Variants in DCC observed in about 807,000 individuals in gnomAD.
DCC encodes the protein DCC netrin 1 receptor.
Under a neutral mutation model 172.5 loss-of-function variants are expected in DCC, and 58 were observed. The observed-to-expected ratio is 0.34, with a 90% CI of 0.27 to 0.42. DCC has a LOEUF of 0.42. Among genes scored for constraint, DCC ranks in the 10% least tolerant of loss-of-function variants. DCC has a pLI of 1.00. For missense variants in DCC, 1,740 were observed against 1,791.0 expected (o/e 0.97, Z 0.51); for synonymous variants, 709 against 644.5 (o/e 1.10, Z -1.52).
At chr18:53,065,339 T>C (rs1348287532) in intron 6 of DCC, among the ~76,000 whole-genome samples, 1 of 152,202 alleles carries the variant, frequency 6.6e-6, no homozygotes, top group Non-Finnish European at 1.5e-5. Flanking sequence ...ATTAGTATAA[T>C]TAAATGCTAT....
chr18:53,447,731 A>G (rs925861415), intron 22 of DCC, among the ~76,000 whole-genome samples: 2 of 152,208 alleles, frequency 1.3e-5, no homozygotes, highest in African/African-American at 4.8e-5. Context: ...AGGTTAATTT[A>G]TTCCAATCTA....
At chr18:53,164,531 C>T (rs1238356617) in intron 8 of DCC, among the ~76,000 whole-genome samples, 1 of 152,144 alleles carries the variant, frequency 6.6e-6, no homozygotes, top group South Asian at 2.1e-4. Context: ...TGGAATTGAA[C>T]CACCTGGGTT....
chr18:53,362,447 CTGT>C (rs2057958190), intron 15 of DCC, among the ~76,000 whole-genome samples: 1 of 152,096 alleles, frequency 6.6e-6, no homozygotes, highest in African/African-American at 2.4e-5. Flanking sequence ...AGTGATTTTT[CTGT>C]TGTTGGTCAA....
chr18:52,749,234 T>C (rs1358502307), intron 1 of DCC, among the ~76,000 whole-genome samples: 2 of 151,570 alleles, frequency 1.3e-5, no homozygotes, highest in Non-Finnish European at 2.9e-5. Flanking sequence ...AAAGAACCAA[T>C]CAGGAAAGAA....
chr18:53,487,242 G>C (rs1167191374), intron 26 of DCC, among the ~76,000 whole-genome samples: 1 of 152,150 alleles, frequency 6.6e-6, no homozygotes, highest in Non-Finnish European at 1.5e-5. Flanking sequence ...ATGGGTACTT[G>C]AAATTAATAT....
At chr18:53,006,652 G>A (rs948751433) in intron 5 of DCC, among the ~76,000 whole-genome samples, 1 of 152,180 alleles carries the variant, frequency 6.6e-6, no homozygotes, top group African/African-American at 2.4e-5. Flanking sequence ...ATGTTATACT[G>A]TTAGTTTTGA....
intron 1 of DCC, among the ~76,000 whole-genome samples, chr18:52,647,079 T>A (rs2035032851): frequency 6.6e-6 from 1 of 152,212 alleles, no homozygotes; most frequent in African/African-American, 2.4e-5. Context: ...AAAGCCCAAA[T>A]ACATGTTCTT....
At chr18:52,479,006 G>T (rs554735755) in intron 1 of DCC, among the ~76,000 whole-genome samples, 5 of 152,248 alleles carry the variant, frequency 3.3e-5, no homozygotes, top group Admixed American at 1.3e-4. Context: ...GTTGCTTCTG[G>T]CATTCAATTG....
At chr18:53,264,902 GTAATA>G in intron 12 of DCC, among the ~76,000 whole-genome samples, 1 of 152,232 alleles carries the variant, frequency 6.6e-6, no homozygotes, top group South Asian at 2.1e-4. Flanking sequence ...GAAACACTGT[GTAATA>G]TTTGAAGAAA....
At chr18:53,324,078 G>A (rs980769406) in intron 14 of DCC, among the ~76,000 whole-genome samples, 1 of 152,158 alleles carries the variant, frequency 6.6e-6, no homozygotes, top group Non-Finnish European at 1.5e-5. Flanking sequence ...GCATTTTGTA[G>A]AGATTACTCT....
intron 1 of DCC, among the ~76,000 whole-genome samples, chr18:52,657,331 GC>G (rs1465576104): frequency 6.6e-6 from 1 of 152,208 alleles, no homozygotes; most frequent in Non-Finnish European, 1.5e-5. Context: ...GTGCTGCTGA[GC>G]TTCGCCACAT....
intron 1 of DCC, among the ~76,000 whole-genome samples, chr18:52,424,885 T>C (rs1187691878): frequency 6.6e-6 from 1 of 151,630 alleles, no homozygotes; most frequent in Non-Finnish European, 1.5e-5. Flanking sequence ...TCTATTTTTT[T>C]CCATTCATTT....
Position 52,636,852 on chromosome 18 carries a change from G to A in DCC, c.92-115202G>A, listed in dbSNP as rs1289772314. On this transcript the variant is annotated intron_variant, in intron 1 of 28. Transcript: ENST00000442544. Reference sequence around the variant, plus strand: ...TCTTTCTGGAAAGCGCCACCTCCTGGCAGGAGGCCAACCAACACAAAAATA... The same window carrying A: ...TCTTTCTGGAAAGCGCCACCTCCTGACAGGAGGCCAACCAACACAAAAATA... 2.6e-5 allele frequency among the ~76,000 whole-genome samples: 4 copies of A among 152,222 alleles called. No individual in the cohort carries two copies. The South Asian group carries it at 6.2e-4, about 24-fold the overall frequency.
At chr18:52,567,904 A>T (rs1462371303) in intron 1 of DCC, among the ~76,000 whole-genome samples, 1 of 152,160 alleles carries the variant, frequency 6.6e-6, no homozygotes, top group Non-Finnish European at 1.5e-5. Context: ...ATTCAAATTT[A>T]TACTTGTGAT....
At chr18:53,392,223 A>G (rs924579128) in intron 17 of DCC, among the ~76,000 whole-genome samples, 3 of 151,478 alleles carry the variant, frequency 2.0e-5, no homozygotes, top group Non-Finnish European at 2.9e-5. Context: ...GGATTTTGGT[A>G]TCTTTTTTTT....
intron 12 of DCC, among the ~76,000 whole-genome samples, chr18:53,233,820 A>C (rs958762112): frequency 6.6e-6 from 1 of 152,184 alleles, no homozygotes; most frequent in African/African-American, 2.4e-5. Flanking sequence ...TCATCTCAAA[A>C]TGTATTGGCC....
At chr18:53,279,034 T>C (rs1353421769) in intron 12 of DCC, among the ~76,000 whole-genome samples, 1 of 152,184 alleles carries the variant, frequency 6.6e-6, no homozygotes, top group Non-Finnish European at 1.5e-5. Context: ...ACCAACAGCG[T>C]AAAAGTGTTC....
At chr18:53,366,975 T>C (rs948847926) in intron 15 of DCC, among the ~76,000 whole-genome samples, 6 of 152,192 alleles carry the variant, frequency 3.9e-5, no homozygotes, top group African/African-American at 1.4e-4. Context: ...CATTTCTGTT[T>C]TATTTAAGCT....
intron 27 of DCC, among the ~76,000 whole-genome samples, chr18:53,506,250 G>A (rs1219381632): frequency 6.6e-6 from 1 of 152,112 alleles, no homozygotes; most frequent in Non-Finnish European, 1.5e-5. Flanking sequence ...GAATTTGACT[G>A]CAGTTCTTCA....
Sources: allele counts gnomAD v4.1 joint callset (sites outside exome capture counted in the v4.1 genomes callset), GRCh38; gene constraint gnomAD v4.1.1; transcripts MANE v1.5; gene names NCBI Gene and HGNC (gene_info 2026-07-23, HGNC 2026-07-21).